Variants in ANK2 observed in about 807,000 individuals in gnomAD.
The protein encoded by ANK2 is ankyrin-2.
Under a neutral mutation model 360.5 loss-of-function variants are expected in ANK2, and 83 were observed. The ratio of observed to expected loss-of-function variants is 0.23; its 90% CI spans 0.19 to 0.28. The LOEUF is 0.28. ANK2 is among the 10% of genes least tolerant of loss of function. ANK2 has a pLI of 1.00. For synonymous variants in ANK2, 1,740 were observed against 1,759.5 expected (o/e 0.99, Z 0.28); for missense variants, 4,201 against 4,795.7 (o/e 0.88, Z 3.66).
the ANK2 span, among the ~76,000 whole-genome samples, chr4:112,810,779 T>C: frequency 1.3e-5 from 2 of 152,172 alleles, no homozygotes; most frequent in African/African-American, 4.8e-5. Flanking sequence ...CTTGAACTCC[T>C]GACCTCAGGT....
the ANK2 span, among the ~76,000 whole-genome samples, chr4:112,796,000 A>G: frequency 7.9e-4 from 119 of 150,874 alleles, no homozygotes; most frequent in African/African-American, 2.7e-3. Flanking sequence ...GAGTTTCACT[A>G]TGTTGGCCAG....
At chr4:113,155,178 T>A (rs1416264404) in intron 1 of ANK2, among the ~76,000 whole-genome samples, 1 of 152,206 alleles carries the variant, frequency 6.6e-6, no homozygotes, top group African/African-American at 2.4e-5. Flanking sequence ...CTACTGACAT[T>A]AGCTTTGTGA....
intron 2 of ANK2, among the ~76,000 whole-genome samples, chr4:112,947,565 G>A (rs1027772940): frequency 6.6e-6 from 1 of 152,038 alleles, no homozygotes. Flanking sequence ...AAATAAGTGG[G>A]TGCAGTTTCT....
At chr4:113,163,764 CAAAAAAAAAA>C (rs1158530849) in intron 1 of ANK2, among the ~76,000 whole-genome samples, 2 of 55,046 alleles carry the variant, frequency 3.6e-5, no homozygotes, top group African/African-American at 5.6e-5. Context: ...AACTTCGTCT[CAAAAAAAAAA>C]AAAAAAAAAA....
At position 113,336,790 on chromosome 4, in the gene ANK2, C is replaced by T. The variant is rs376290247; in HGVS notation, c.3796+9C>T. ...ACTATGCAGCATAACAGGTGAGTCA[C>T]ATATGACTGTGTTCGTAGAGAGTTC... On this transcript the variant is annotated intron_variant, in intron 31 of 45. Transcript: ENST00000357077. 1 of 1,612,604 alleles carries T rather than the reference C, an allele frequency of 6.2e-7. No homozygotes were observed. The highest frequency in any genetic ancestry group is 1.3e-5 in the African/African-American group (1 of 74,872).
At chr4:113,360,745 T>G in intron 38 of ANK2, 78 bp from the exon 39 acceptor site, 1 of 1,282,924 alleles carries the variant, frequency 7.8e-7, no homozygotes, top group Non-Finnish European at 1.1e-6. Flanking sequence ...GTGACTTCCT[T>G]TCTTTGAATG....
At chr4:112,819,804 C>T (rs893838241) in intron 1 of ANK2, among the ~76,000 whole-genome samples, 7 of 152,162 alleles carry the variant, frequency 4.6e-5, no homozygotes, top group African/African-American at 1.7e-4. Context: ...CTATATTCAT[C>T]TTGGAAAGGG....
chr4:112,803,931 T>C, the ANK2 span, among the ~76,000 whole-genome samples: 1 of 151,984 alleles, frequency 6.6e-6, no homozygotes, highest in Non-Finnish European at 1.5e-5. Flanking sequence ...TATAGCCAAA[T>C]AGTGTAATAG....
chr4:112,729,776 AAAAG>A, the ANK2 span, among the ~76,000 whole-genome samples: 27 of 150,346 alleles, frequency 1.8e-4, no homozygotes, highest in African/African-American at 6.1e-4. Context: ...AGAAAGAAAG[AAAAG>A]AAAAGAAAAT....
chr4:113,286,192 CTGTT>C (rs2064477071), intron 18 of ANK2, among the ~76,000 whole-genome samples: 1 of 152,142 alleles, frequency 6.6e-6, no homozygotes, highest in South Asian at 2.1e-4. Context: ...GAGAAATATT[CTGTT>C]TGTTATTTTA....
chr4:113,272,936 A>G (rs1461074698), intron 14 of ANK2, among the ~76,000 whole-genome samples: 2 of 152,266 alleles, frequency 1.3e-5, no homozygotes, highest in African/African-American at 4.8e-5. Flanking sequence ...TGTTTTGCTA[A>G]CCATTTATTT....
chr4:113,209,622 T>G (rs904151115), intron 4 of ANK2, among the ~76,000 whole-genome samples: 4 of 152,028 alleles, frequency 2.6e-5, no homozygotes, highest in Non-Finnish European at 5.9e-5. Flanking sequence ...CAGCTCATGC[T>G]TAAATCCTGA....
intron 1 of ANK2, among the ~76,000 whole-genome samples, chr4:113,157,246 A>G (rs1209783445): frequency 1.3e-5 from 2 of 152,194 alleles, no homozygotes; most frequent in Non-Finnish European, 2.9e-5. Flanking sequence ...TTAATTAAGA[A>G]CAGCTGAGAG....
intron 26 of ANK2, chr4:113,323,662 G>A (rs1588194821): frequency 2.6e-6 from 3 of 1,147,112 alleles, no homozygotes; most frequent in East Asian, 5.2e-5. Context: ...CAATGAATAA[G>A]GTATTGGTGT....
intron 2 of ANK2, among the ~76,000 whole-genome samples, chr4:113,017,441 G>A (rs950718260): frequency 1.3e-5 from 2 of 151,836 alleles, no homozygotes; most frequent in South Asian, 4.2e-4. Flanking sequence ...AAGAAGCTCT[G>A]CAAGACTGAA....
chr4:113,363,809 T>C (rs2096376342), intron 40 of ANK2, among the ~76,000 whole-genome samples: 1 of 152,084 alleles, frequency 6.6e-6, no homozygotes, highest in African/African-American at 2.4e-5. Flanking sequence ...TGAGTGTGGG[T>C]GTGTGTGAGT....
intron 2 of ANK2, among the ~76,000 whole-genome samples, chr4:112,981,372 C>T (rs1301336188): frequency 1.3e-5 from 2 of 152,132 alleles, no homozygotes; most frequent in African/African-American, 4.8e-5. Flanking sequence ...AGTGGAAATA[C>T]AGGCGATGAA....
intron 2 of ANK2, among the ~76,000 whole-genome samples, chr4:113,182,378 G>T (rs1327767453): frequency 6.6e-6 from 1 of 152,104 alleles, no homozygotes; most frequent in South Asian, 2.1e-4. Flanking sequence ...AAAAGATTTT[G>T]GCCTGAAGTG....
intron 2 of ANK2, among the ~76,000 whole-genome samples, chr4:113,000,701 CA>C (rs2050299654): frequency 6.6e-6 from 1 of 152,164 alleles, no homozygotes; most frequent in Admixed American, 6.5e-5. Flanking sequence ...TAGGTTTGTG[CA>C]CAGTTTTTGG....
Sources: allele counts gnomAD v4.1 joint callset (sites outside exome capture counted in the v4.1 genomes callset), GRCh38; gene constraint gnomAD v4.1.1; transcripts MANE v1.5; gene names NCBI Gene and HGNC (gene_info 2026-07-23, HGNC 2026-07-21).